CUBN: variants seen among roughly 807,000 people sequenced by gnomAD.
CUBN encodes the protein cubilin, also known as 460 kDa receptor.
CUBN carries 282 observed loss-of-function variants against 405.3 expected under a neutral mutation model. The ratio of observed to expected loss-of-function variants is 0.70; its 90% CI spans 0.63 to 0.77. The LOEUF is 0.77. Among genes scored for constraint, CUBN ranks in the 30% least tolerant of loss-of-function variants. CUBN has a pLI of 0.00. For synonymous variants in CUBN, 1,684 were observed against 1,617.0 expected (o/e 1.04, Z -0.99); for missense variants, 4,514 against 4,475.2 (o/e 1.01, Z -0.25).
intron 48 of CUBN, among the ~76,000 whole-genome samples, chr10:16,909,273 CAGA>C (rs1159227089): frequency 6.6e-6 from 1 of 152,128 alleles, no homozygotes; most frequent in Non-Finnish European, 1.5e-5. Context: ...CTCACTGGAC[CAGA>C]AGAAGAGTTT....
rs761622701 is a variant in CUBN, at chr10:16,913,920, C to A, written c.7424G>T (p.Gly2475Val). The A allele has an allele frequency of 3.7e-6, 6 of 1,613,944 alleles. No individual in the cohort carries two copies. Among genetic ancestry groups the A allele is most frequent in the Non-Finnish European group, 4.2e-6 (5 of 1,180,024 alleles). The change falls in exon 48 of 67, where the codon GGC becomes GTC. Residue 2475 changes from glycine (G) to valine (V), a missense_variant. Gly to Val is a moderately radical substitution (Grantham distance 109). This residue lies in a region of CUBN where 1,613 missense variants were observed against 1,542.8 expected (regional missense o/e 1.05). Transcript: ENST00000377833. ...AGTGATTCTCCACTCGCAGATCCGG[C>A]CATGAGGATTTGGGTTCGGGTAGTT... ...SPNYPNPNPH[G>V]RICEWRITAP...
chr10:17,129,314 C>A, intron 1 of CUBN, 64 bp from the exon 2 acceptor site: 2 of 1,568,634 alleles, frequency 1.3e-6, no homozygotes, highest in Non-Finnish European at 1.8e-6. Flanking sequence ...ACCAAAATAA[C>A]AAAGTTTCTT....
At chr10:16,918,583 C>G (rs780531598) in intron 45 of CUBN, 39 bp downstream of exon 45, 2 of 1,490,328 alleles carry the variant, frequency 1.3e-6, no homozygotes, top group South Asian at 2.3e-5. Flanking sequence ...TGCACATGTA[C>G]CCCTGAACCT....
At chr10:17,101,808 G>C (rs986549345) in intron 13 of CUBN, among the ~76,000 whole-genome samples, 3 of 152,188 alleles carry the variant, frequency 2.0e-5, no homozygotes, top group Middle Eastern at 6.8e-3. Context: ...ACATGCACCT[G>C]GACACACTTC....
intron 22 of CUBN, among the ~76,000 whole-genome samples, chr10:17,048,760 C>T (rs989827304): frequency 9.9e-5 from 15 of 152,112 alleles, no homozygotes; most frequent in Non-Finnish European, 1.6e-4. Flanking sequence ...TATTGTGTTT[C>T]ATTGTGAGTC....
intron 28 of CUBN, among the ~76,000 whole-genome samples, chr10:17,015,963 G>C (rs1282718488): frequency 6.6e-6 from 1 of 152,098 alleles, no homozygotes; most frequent in Non-Finnish European, 1.5e-5. Context: ...TTTTGGGTCT[G>C]TTCCTCTTGA....
At chr10:17,088,629 A>AT (rs1836182229) in intron 14 of CUBN, among the ~76,000 whole-genome samples, 1 of 152,236 alleles carries the variant, frequency 6.6e-6, no homozygotes, top group South Asian at 2.1e-4. Context: ...TGAGCGATGA[A>AT]TACCAGGATT....
chr10:16,902,668 A>G (rs1158862368), intron 51 of CUBN, among the ~76,000 whole-genome samples: 2 of 152,222 alleles, frequency 1.3e-5, no homozygotes. Context: ...AGATAAAACC[A>G]TAACTAAAAC....
At chr10:17,033,486 C>T (rs1834826633) in intron 27 of CUBN, among the ~76,000 whole-genome samples, 2 of 152,152 alleles carry the variant, frequency 1.3e-5, no homozygotes, top group Admixed American at 6.5e-5. Context: ...AAAATATATC[C>T]TACTGACTGG....
chr10:16,863,189 A>T (rs1840066808), intron 59 of CUBN, among the ~76,000 whole-genome samples: 1 of 152,260 alleles, frequency 6.6e-6, no homozygotes, highest in South Asian at 2.1e-4. Context: ...AAACCCACAA[A>T]GAATAACGTG....
chr10:16,890,538 C>T lies in CUBN; in HGVS notation c.8599-11G>A. The T allele has an allele frequency of 6.2e-7, 1 of 1,614,144 alleles. No homozygotes were observed. The highest frequency in any genetic ancestry group is 1.3e-5 in the African/African-American group (1 of 75,066). ...AGTTCCTGCCCACACCTAGCACGGA[C>T]ATACACAGAACTTTAATGCTCAAGG... On this transcript the variant is annotated splice_polypyrimidine_tract_variant and intron_variant, in intron 54 of 66. Coordinates refer to ENST00000377833, the MANE Select transcript of CUBN (RefSeq NM_001081.4).
At chr10:17,030,645 G>A (rs566791421) in intron 27 of CUBN, among the ~76,000 whole-genome samples, 7 of 152,150 alleles carry the variant, frequency 4.6e-5, no homozygotes, top group African/African-American at 1.4e-4. Flanking sequence ...TTGGTCGGGC[G>A]TGGTGGCTCA....
chr10:17,000,844 T>G (rs745325149), intron 28 of CUBN, among the ~76,000 whole-genome samples: 2 of 152,224 alleles, frequency 1.3e-5, no homozygotes, highest in Non-Finnish European at 2.9e-5. Context: ...ATAATGCTCA[T>G]TTAAGAAAAT....
chr10:17,000,737 T>C (rs557741014), intron 28 of CUBN, among the ~76,000 whole-genome samples: 2 of 152,362 alleles, frequency 1.3e-5, no homozygotes, highest in South Asian at 4.1e-4. Context: ...GAGTTTTGTG[T>C]TCTGATTCCA....
chr10:16,953,714 G>A (rs148934823), intron 32 of CUBN, among the ~76,000 whole-genome samples: 2,162 of 152,164 alleles, frequency 0.014, 29 homozygotes, highest in Non-Finnish European at 0.021. Flanking sequence ...ATAGCCAGGC[G>A]TGGGGGTGCA....
intron 33 of CUBN, among the ~76,000 whole-genome samples, chr10:16,951,892 A>G (rs1040545267): frequency 6.6e-6 from 1 of 152,104 alleles, no homozygotes; most frequent in Non-Finnish European, 1.5e-5. Context: ...CTTGAACATC[A>G]GCTATACTCA....
At chr10:17,127,107 A>C (rs1837210510) in intron 3 of CUBN, among the ~76,000 whole-genome samples, 1 of 151,768 alleles carries the variant, frequency 6.6e-6, no homozygotes, top group East Asian at 1.9e-4. Flanking sequence ...TGATGCATCC[A>C]CTTCCCCAAT....
chr10:16,830,480 A>T (rs1243521955), intron 65 of CUBN, among the ~76,000 whole-genome samples: 2 of 152,170 alleles, frequency 1.3e-5, no homozygotes, highest in African/African-American at 4.8e-5. Context: ...TAGTTGTTTG[A>T]TAAACAGCCA....
chr10:16,903,627 T>A (rs923462261), intron 51 of CUBN, among the ~76,000 whole-genome samples: 4 of 147,942 alleles, frequency 2.7e-5, no homozygotes, highest in African/African-American at 4.9e-5. Flanking sequence ...AAAATAATTT[T>A]AAAATTATTA....
Sources: gnomAD v4.1 joint callset for allele counts (sites outside exome capture counted in the v4.1 genomes callset) on GRCh38, gnomAD v4.1.1 for gene constraint, gnomAD v4.1.1 regional missense constraint, MANE v1.5 for transcripts, NCBI Gene and HGNC (gene_info 2026-07-23, HGNC 2026-07-21) for gene names.